The following RAPGEF5 variants were observed in gnomAD, a reference collection of about 807,000 sequenced individuals.
RAPGEF5 encodes the protein Rap guanine nucleotide exchange factor 5.
RAPGEF5 carries 65 observed loss-of-function variants against 125.2 expected under a neutral mutation model. The observed-to-expected ratio is 0.52, with a 90% CI of 0.43 to 0.64. The LOEUF (loss-of-function observed/expected upper bound fraction) is 0.64, where lower values mean the gene tolerates loss of function less well. Ranked by LOEUF, RAPGEF5 falls within the 30% of genes least tolerant of loss-of-function variation. The pLI, the probability that RAPGEF5 is intolerant of heterozygous loss-of-function variation, is 0.00. For missense variants in RAPGEF5, 958 were observed against 1,048.1 expected, an observed-to-expected ratio of 0.91 and a Z score of 1.19; for synonymous variants, 391 against 385.9, an observed-to-expected ratio of 1.01 and a Z score of -0.16.
chr7:22,249,420 C>T (rs138624071), intron 7 of RAPGEF5, among the ~76,000 whole-genome samples: 117 of 152,136 alleles, frequency 7.7e-4, no homozygotes, highest in African/African-American at 2.6e-3. Context: ...AAACCCCTGA[C>T]CTCAAGTGAT....
At chr7:22,316,443 G>GTGTA (rs1343421808) in intron 2 of RAPGEF5, among the ~76,000 whole-genome samples, 1 of 138,370 alleles carries the variant, frequency 7.2e-6, no homozygotes, top group East Asian at 2.1e-4. Flanking sequence ...ATATACACAC[G>GTGTA]TGTATGTATA....
intron 8 of RAPGEF5, 136 bp downstream of exon 8, chr7:22,230,710 A>G: frequency 1.3e-6 from 1 of 741,978 alleles, no homozygotes; most frequent in Non-Finnish European, 2.2e-6. Context: ...ATCAAAACTG[A>G]GCACTTTATT....
chr7:22,182,242 G>T (rs1299529290), intron 11 of RAPGEF5, among the ~76,000 whole-genome samples: 2 of 152,164 alleles, frequency 1.3e-5, no homozygotes, highest in African/African-American at 4.8e-5. Context: ...CGTCTGGGGA[G>T]ATGACACAAG....
At chr7:22,185,364 G>T (rs1331063899) in intron 11 of RAPGEF5, among the ~76,000 whole-genome samples, 1 of 152,098 alleles carries the variant, frequency 6.6e-6, no homozygotes, top group African/African-American at 2.4e-5. Flanking sequence ...TAGCTAGAAG[G>T]GTCCTCAAAT....
chr7:22,299,343 A>G (rs538733540), intron 5 of RAPGEF5, among the ~76,000 whole-genome samples: 2 of 152,190 alleles, frequency 1.3e-5, no homozygotes, highest in South Asian at 4.2e-4. Flanking sequence ...AGTTACTTCA[A>G]AGTATGATGA....
chr7:22,318,960 A>G (rs542268852), intron 1 of RAPGEF5, among the ~76,000 whole-genome samples: 83 of 152,320 alleles, frequency 5.4e-4, no homozygotes, highest in African/African-American at 1.9e-3. Flanking sequence ...CCAGCACACA[A>G]TTGTGCACAA....
chr7:22,324,274 A>G, intron 1 of RAPGEF5, among the ~76,000 whole-genome samples: 1 of 152,226 alleles, frequency 6.6e-6, no homozygotes, highest in East Asian at 1.9e-4. Flanking sequence ...CTTCAAAGTA[A>G]CTGGCCTGTA....
At chr7:22,135,733 G>T (rs945127178) in intron 23 of RAPGEF5, among the ~76,000 whole-genome samples, 16 of 152,280 alleles carry the variant, frequency 1.1e-4, no homozygotes, top group Middle Eastern at 3.4e-3. Flanking sequence ...TCGGTGGATT[G>T]TTGGCTCAAA....
chr7:22,171,793 C>A lies in RAPGEF5; in HGVS notation c.1205-4645G>T, dbSNP rs982596045. Among the ~76,000 whole-genome samples the A allele has an allele frequency of 2.6e-5, 4 of 152,204 alleles. No individual in the cohort carries two copies. In the East Asian group the frequency reaches 7.7e-4, roughly 29 times the overall value. On this transcript the variant is annotated intron_variant, in intron 11 of 25. Coordinates refer to ENST00000665637, the MANE Select transcript of RAPGEF5 (RefSeq NM_012294.5). ...GGGATTACAGGCATGAGCCACGTTG[C>A]CAGCCATTTTCTTTGATATTCTATG...
At chr7:22,272,202 AGTATG>A (rs1285186996) in intron 6 of RAPGEF5, among the ~76,000 whole-genome samples, 1 of 151,772 alleles carries the variant, frequency 6.6e-6, no homozygotes, top group Non-Finnish European at 1.5e-5. Flanking sequence ...AAATTAGCCG[AGTATG>A]GTGCACGCAC....
chr7:22,135,551 G>T (rs1165498090), intron 23 of RAPGEF5, among the ~76,000 whole-genome samples: 1 of 152,148 alleles, frequency 6.6e-6, no homozygotes, highest in East Asian at 1.9e-4. Context: ...CTGAAGAAAG[G>T]AAGTACACTT....
chr7:22,302,577 G>A (rs949926801), intron 5 of RAPGEF5, among the ~76,000 whole-genome samples: 8 of 152,142 alleles, frequency 5.3e-5, no homozygotes, highest in African/African-American at 1.7e-4. Context: ...TCTGACAGGA[G>A]AGCCTCCCCT....
At chr7:22,282,665 TACG>T (rs1382359708) in intron 6 of RAPGEF5, among the ~76,000 whole-genome samples, 1 of 152,232 alleles carries the variant, frequency 6.6e-6, no homozygotes, top group African/African-American at 2.4e-5. Flanking sequence ...TGTGACAATG[TACG>T]ACAAAAAGTA....
chr7:22,227,103 A>T (rs1785936992), intron 8 of RAPGEF5, among the ~76,000 whole-genome samples: 1 of 151,892 alleles, frequency 6.6e-6, no homozygotes, highest in Non-Finnish European at 1.5e-5. Context: ...TGATTCCTTT[A>T]ACGTTCAGAC....
At chr7:22,207,156 G>T (rs1392464128) in intron 9 of RAPGEF5, among the ~76,000 whole-genome samples, 1 of 152,196 alleles carries the variant, frequency 6.6e-6, no homozygotes, top group African/African-American at 2.4e-5. Context: ...CTCAATGAAG[G>T]TGAAAGCTAG....
intron 7 of RAPGEF5, among the ~76,000 whole-genome samples, chr7:22,233,003 C>G (rs372285205): frequency 1.3e-5 from 2 of 152,176 alleles, no homozygotes; most frequent in African/African-American, 4.8e-5. Context: ...GAGAAAAGTT[C>G]CATTCATGCC....
chr7:22,220,914 A>T (rs1393332056), intron 8 of RAPGEF5, among the ~76,000 whole-genome samples: 2 of 152,170 alleles, frequency 1.3e-5, no homozygotes, highest in East Asian at 3.9e-4. Context: ...CCATAACATG[A>T]CCAAATACAG....
chr7:22,170,680 G>C (rs1037082643), intron 11 of RAPGEF5, among the ~76,000 whole-genome samples: 23 of 152,150 alleles, frequency 1.5e-4, no homozygotes, highest in Non-Finnish European at 3.2e-4. Flanking sequence ...GTTGGATGGT[G>C]GCAAACCCAT....
At chr7:22,181,146 C>G (rs1428049821) in intron 11 of RAPGEF5, among the ~76,000 whole-genome samples, 1 of 151,984 alleles carries the variant, frequency 6.6e-6, no homozygotes, top group Admixed American at 6.6e-5. Flanking sequence ...CTCTTTTTTT[C>G]TTAACAAAAC....
Sources: gnomAD v4.1 joint callset for allele counts (sites outside exome capture counted in the v4.1 genomes callset) on GRCh38, gnomAD v4.1.1 for gene constraint, MANE v1.5 for transcripts, NCBI Gene and HGNC (gene_info 2026-07-23, HGNC 2026-07-21) for gene names.